Variants in RARB observed in about 807,000 individuals in gnomAD.
The protein encoded by RARB is HBV-activated protein.
In RARB, 17 loss-of-function variants were observed where a neutral mutation model predicts 51.9. The ratio of observed to expected loss-of-function variants is 0.33; its 90% CI spans 0.22 to 0.49. The LOEUF is 0.49. RARB is among the 20% of genes least tolerant of loss of function. The probability of loss-of-function intolerance (pLI) is 0.99; values close to 1 mark genes in which losing one functional copy is unlikely to be tolerated. For synonymous variants in RARB, 215 were observed against 195.4 expected, an observed-to-expected ratio of 1.10 and a Z score of -0.84; for missense variants, 369 against 550.8, an observed-to-expected ratio of 0.67 and a Z score of 3.30.
rs374189259 is a variant in RARB at position 25,205,172 on chromosome 3, G to T, written c.178+30597G>T. Among the ~76,000 whole-genome samples the T allele has an allele frequency of 2.4e-4, 36 of 152,280 alleles. No homozygotes were observed. The East Asian group carries it at 6.2e-3, about 26-fold the overall frequency. On this transcript the variant is annotated intron_variant, in intron 5 of 11. Transcript: ENST00000383772. Reference sequence around the variant, plus strand: ...TCTGCCACCTTGCAGTTTGATCTCAGACTGCTGTGCTAGCAATGAGCGAGG... The same window carrying T: ...TCTGCCACCTTGCAGTTTGATCTCATACTGCTGTGCTAGCAATGAGCGAGG...
chr3:25,513,846 T>C (rs1176472231), intron 3 of RARB, among the ~76,000 whole-genome samples: 1 of 151,992 alleles, frequency 6.6e-6, no homozygotes, highest in Non-Finnish European at 1.5e-5. Flanking sequence ...AGATATCTGG[T>C]TTCAACCCTG....
Position 25,355,120 on chromosome 3 carries a change from G to A in RARB, c.179-106073G>A, listed in dbSNP as rs1705693885. Among the ~76,000 whole-genome samples the A allele has an allele frequency of 2.0e-5, 3 of 152,210 alleles. No homozygotes were observed. The South Asian group carries it at 6.2e-4, about 32-fold the overall frequency. On this transcript the variant is annotated intron_variant, in intron 5 of 11. Transcript: ENST00000383772. ...TGTACAGGAAAATTAAATAATATTT[G>A]TAAACAGCTTAGAATACTACCTGGT...
At chr3:25,246,753 G>T (rs963077467) in intron 5 of RARB, among the ~76,000 whole-genome samples, 1 of 152,152 alleles carries the variant, frequency 6.6e-6, no homozygotes, top group Admixed American at 6.5e-5. Context: ...AGAGGTGTCT[G>T]TTGAACCCTG....
At chr3:25,063,840 A>C (rs796861020) in intron 3 of RARB, among the ~76,000 whole-genome samples, 2 of 152,024 alleles carry the variant, frequency 1.3e-5, no homozygotes, top group Non-Finnish European at 2.9e-5. Context: ...CTCTTAGTCC[A>C]TATCACTAAG....
At chr3:25,167,564 G>A (rs1700579618) in intron 4 of RARB, among the ~76,000 whole-genome samples, 1 of 152,214 alleles carries the variant, frequency 6.6e-6, no homozygotes, top group African/African-American at 2.4e-5. Flanking sequence ...AAACAAGGAA[G>A]TGATGATGGA....
intron 3 of RARB, among the ~76,000 whole-genome samples, chr3:25,554,564 A>G (rs1699978970): frequency 6.6e-6 from 1 of 152,100 alleles, no homozygotes; most frequent in African/African-American, 2.4e-5. Context: ...TATTAGGAGA[A>G]AAATTTGCCA....
intron 5 of RARB, among the ~76,000 whole-genome samples, chr3:25,260,781 T>A (rs997424737): frequency 6.6e-6 from 1 of 152,178 alleles, no homozygotes; most frequent in Non-Finnish European, 1.5e-5. Context: ...AGCCTGTCAC[T>A]GGGGCTGGGT....
intron 2 of RARB, among the ~76,000 whole-genome samples, chr3:24,874,030 T>G (rs1702996854): frequency 6.6e-6 from 1 of 152,058 alleles, no homozygotes; most frequent in African/African-American, 2.4e-5. Context: ...TTAAATTGTG[T>G]TAGGTATTAT....
intron 5 of RARB, among the ~76,000 whole-genome samples, chr3:25,350,876 G>GGT (rs1338303404): frequency 6.6e-6 from 1 of 152,164 alleles, no homozygotes; most frequent in African/African-American, 2.4e-5. Context: ...TTGCATATGG[G>GGT]GTGTACCCTC....
intron 2 of RARB, among the ~76,000 whole-genome samples, chr3:24,868,293 G>A (rs1275032496): frequency 1.3e-5 from 2 of 152,036 alleles, no homozygotes; most frequent in African/African-American, 4.8e-5. Context: ...AAGAATAGAA[G>A]GCACCTCAGA....
At chr3:25,306,368 A>G (rs1704151777) in intron 5 of RARB, among the ~76,000 whole-genome samples, 1 of 152,216 alleles carries the variant, frequency 6.6e-6, no homozygotes, top group South Asian at 2.1e-4. Context: ...AGGGCTGATG[A>G]AAAGCACTCC....
intron 3 of RARB, among the ~76,000 whole-genome samples, chr3:25,121,847 C>G (rs151218864): frequency 0.011 from 1,633 of 152,172 alleles, 22 homozygotes; most frequent in African/African-American, 0.033. Flanking sequence ...TATTTGAAGA[C>G]CATTTGGAGG....
At chr3:25,118,554 A>G (rs906677896) in intron 3 of RARB, among the ~76,000 whole-genome samples, 1 of 152,168 alleles carries the variant, frequency 6.6e-6, no homozygotes, top group Non-Finnish European at 1.5e-5. Context: ...TTTTTGAAAT[A>G]TACTGCTGGA....
At chr3:25,293,452 T>C (rs555286593) in intron 5 of RARB, among the ~76,000 whole-genome samples, 44 of 152,132 alleles carry the variant, frequency 2.9e-4, no homozygotes, top group African/African-American at 1.0e-3. Flanking sequence ...AATGCTTCTT[T>C]TTGTAGTTGA....
At chr3:25,044,993 TG>T (rs1399778907) in intron 2 of RARB, among the ~76,000 whole-genome samples, 2 of 152,234 alleles carry the variant, frequency 1.3e-5, no homozygotes, top group African/African-American at 2.4e-5. Flanking sequence ...GGCATTTTTT[TG>T]TTCTACTTGG....
chr3:25,547,886 A>C (rs1699680289), intron 3 of RARB, among the ~76,000 whole-genome samples: 2 of 152,186 alleles, frequency 1.3e-5, no homozygotes, highest in Non-Finnish European at 2.9e-5. Context: ...GATTTTACAT[A>C]AGTCATTGTA....
At chr3:25,319,332 T>A (rs890456997) in intron 5 of RARB, among the ~76,000 whole-genome samples, 3 of 152,080 alleles carry the variant, frequency 2.0e-5, no homozygotes, top group Non-Finnish European at 2.9e-5. Context: ...CTTGTGGGAG[T>A]ATCTTAATAG....
At chr3:25,198,600 ACT>A (rs1412971385) in intron 5 of RARB, among the ~76,000 whole-genome samples, 8 of 152,108 alleles carry the variant, frequency 5.3e-5, no homozygotes, top group African/African-American at 1.9e-4. Flanking sequence ...AATAGGAGAA[ACT>A]CTAATCTGAT....
chr3:25,211,559 C>A (rs1701698166), intron 5 of RARB, among the ~76,000 whole-genome samples: 1 of 152,216 alleles, frequency 6.6e-6, no homozygotes, highest in Non-Finnish European at 1.5e-5. Flanking sequence ...AAAACTCCAG[C>A]ATCAAGGGAT....
Sources: gnomAD v4.1 joint callset for allele counts (sites outside exome capture counted in the v4.1 genomes callset) on GRCh38, gnomAD v4.1.1 for gene constraint, MANE v1.5 for transcripts, NCBI Gene and HGNC (gene_info 2026-07-23, HGNC 2026-07-21) for gene names.